Variants in PAN3 observed in about 807,000 individuals in gnomAD.
The protein encoded by PAN3 is poly(A) specific ribonuclease subunit PAN3.
In PAN3, 19 loss-of-function variants were observed where a neutral mutation model predicts 96.2. That is an observed-to-expected ratio of 0.20 (90% CI 0.14 to 0.29). The LOEUF (loss-of-function observed/expected upper bound fraction) is 0.29. Ranked by LOEUF, PAN3 falls within the 10% of genes least tolerant of loss-of-function variation. The probability of loss-of-function intolerance (pLI) is 1.00; values close to 1 mark genes in which losing one functional copy is unlikely to be tolerated. For missense variants in PAN3, 882 were observed against 1,108.1 expected, an observed-to-expected ratio of 0.80 and a Z score of 2.90; for synonymous variants, 433 against 406.6, an observed-to-expected ratio of 1.06 and a Z score of -0.78.
Position 28,267,114 on chromosome 13 carries a change from A to G in PAN3, c.1593A>G (p.Thr531=). ...RRIHGFRLVN[T]KCMVLVDMWK... is the part of the protein sequence containing the mutation. The stretch of plus-strand genomic sequence containing the variant: ...TTCCAGGTTTTCGTCTTGTTAACAC[A>G]AAGTGCATGGTGTTGGTCGACATGT... Residue 531 remains threonine (T), a synonymous_variant, in exon 11 of 19, where the codon ACA becomes ACG. Transcript: ENST00000380958. The G allele has an allele frequency of 6.2e-7, 1 of 1,606,820 alleles. No individual in the cohort carries two copies. Among genetic ancestry groups the G allele is most frequent in the Non-Finnish European group, 8.5e-7 (1 of 1,174,756 alleles).
intron 5 of PAN3, among the ~76,000 whole-genome samples, chr13:28,218,862 T>G (rs1265119053): frequency 6.6e-6 from 1 of 152,202 alleles, no homozygotes; most frequent in Non-Finnish European, 1.5e-5. Context: ...TAATCTTGCG[T>G]AATCCTGAAG....
rs560833837 is a variant in PAN3, at chr13:28,153,410, A to AT, written c.430+14331dup. On this transcript the variant is annotated intron_variant, in intron 1 of 18. Transcript: ENST00000380958. ...ACCACCATGCCTGGCTAATTTTTGT[A>AT]TTTTTTTTAGTAGAGATGGGATTTC... Among the ~76,000 whole-genome samples, 555 of 151,018 alleles carry AT rather than the reference A, an allele frequency of 3.7e-3. 5 individuals carry two copies. The highest frequency in any genetic ancestry group is 3.6e-3 in the Non-Finnish European group (245 of 67,700).
chr13:28,246,735 G>A (rs989524674), intron 6 of PAN3, among the ~76,000 whole-genome samples: 1 of 152,020 alleles, frequency 6.6e-6, no homozygotes. Context: ...GTACCATCTT[G>A]TATTGCTGAA....
intron 1 of PAN3, among the ~76,000 whole-genome samples, chr13:28,161,371 A>G (rs541788990): frequency 6.6e-6 from 1 of 152,318 alleles, no homozygotes; most frequent in East Asian, 1.9e-4. Context: ...CTTGGCTTGT[A>G]GAAACATCTT....
chr13:28,183,976 ACT>A lies in PAN3; in HGVS notation c.690+6044_690+6045del, dbSNP rs45614734. On this transcript the variant is annotated intron_variant, in intron 4 of 18. Coordinates refer to ENST00000380958, the MANE Select transcript of PAN3 (RefSeq NM_175854.8). ...GTTAATTAAGTATCCCTGGCTACTC[ACT>A]CTGTATCAGGCTGTACTAAAATTGT... Among the ~76,000 whole-genome samples, 484 of 152,168 alleles carry A rather than the reference ACT, an allele frequency of 3.2e-3. 1 individual carries two copies. The highest frequency in any genetic ancestry group is 0.011 in the African/African-American group (441 of 41,506).
intron 1 of PAN3, among the ~76,000 whole-genome samples, chr13:28,142,686 G>A (rs559142579): frequency 3.3e-5 from 5 of 152,134 alleles, no homozygotes; most frequent in Admixed American, 6.6e-5. Context: ...CCATAATTTA[G>A]TGTTTTTAAT....
chr13:28,253,188 C>T (rs1884876485), intron 6 of PAN3, among the ~76,000 whole-genome samples: 1 of 152,118 alleles, frequency 6.6e-6, no homozygotes, highest in Non-Finnish European at 1.5e-5. Flanking sequence ...ATTAAGAATT[C>T]TTAACTTTCA....
intron 17 of PAN3, among the ~76,000 whole-genome samples, chr13:28,284,404 T>G (rs1360060996): frequency 6.6e-6 from 1 of 150,936 alleles, no homozygotes; most frequent in African/African-American, 2.5e-5. Flanking sequence ...TTTTGACTGC[T>G]CATTCCCCAC....
At chr13:28,286,015 G>C (rs878919257) in intron 17 of PAN3, among the ~76,000 whole-genome samples, 2 of 152,078 alleles carry the variant, frequency 1.3e-5, no homozygotes, top group African/African-American at 4.8e-5. Context: ...CTGTCCATTT[G>C]TATTAAAAAT....
At chr13:28,173,782 A>G (rs915921776) in intron 1 of PAN3, among the ~76,000 whole-genome samples, 12 of 152,240 alleles carry the variant, frequency 7.9e-5, no homozygotes, top group African/African-American at 2.9e-4. Context: ...AAAGAGAACT[A>G]TCAGTATTCC....
chr13:28,189,041 A>G (rs889508998), intron 4 of PAN3, among the ~76,000 whole-genome samples: 4 of 152,246 alleles, frequency 2.6e-5, no homozygotes, highest in Non-Finnish European at 4.4e-5. Context: ...GAAAAAATAT[A>G]CATGTGTGTC....
At chr13:28,259,153 AGTCT>A (rs1258035085) in intron 7 of PAN3, among the ~76,000 whole-genome samples, 2 of 150,780 alleles carry the variant, frequency 1.3e-5, no homozygotes, top group Non-Finnish European at 3.0e-5. Flanking sequence ...TTTGAGACAG[AGTCT>A]TCCCCTGTCC....
chr13:28,177,970 G>T, intron 4 of PAN3, 35 bp downstream of exon 4: 4 of 1,546,534 alleles, frequency 2.6e-6, no homozygotes, highest in Non-Finnish European at 3.6e-6. Flanking sequence ...AAACTAAATG[G>T]AATTTAGAAG....
rs1886122758 is a variant in PAN3 at position 28,265,900 on chromosome 13, A to AT, written c.1412-807dup. ...AGGCGCCCGCCACCGCGCCCGGCTA[A>AT]TTTTTTTTGTATTTTTAGTAGAGAC... On this transcript the variant is annotated intron_variant, in intron 9 of 18. Coordinates refer to ENST00000380958, the MANE Select transcript of PAN3 (RefSeq NM_175854.8). 9.7e-5 allele frequency among the ~76,000 whole-genome samples: 2 copies of AT among 20,526 alleles called. 1 individual carries two copies. Among genetic ancestry groups the AT allele is most frequent in the Non-Finnish European group, 1.5e-4 (2 of 13,768 alleles). 13.5% of individuals were successfully genotyped at this position (20,526 alleles called of 152,430 possible). A position where few individuals can be genotyped will look rare whatever the true frequency, so the allele number is the denominator to read the frequency against.
At chr13:28,172,860 C>T (rs1160533420) in intron 1 of PAN3, among the ~76,000 whole-genome samples, 3 of 152,090 alleles carry the variant, frequency 2.0e-5, no homozygotes, top group Non-Finnish European at 4.4e-5. Context: ...AGTTCGAGAC[C>T]AGCCTGAGGA....
chr13:28,224,124 G>A (rs925603758), intron 6 of PAN3, among the ~76,000 whole-genome samples: 2 of 152,208 alleles, frequency 1.3e-5, no homozygotes, highest in East Asian at 1.9e-4. Flanking sequence ...GCCCGCCTCG[G>A]CCTCCCAAAG....
At chr13:28,187,794 G>T (rs538616246) in intron 4 of PAN3, among the ~76,000 whole-genome samples, 1 of 152,262 alleles carries the variant, frequency 6.6e-6, no homozygotes, top group South Asian at 2.1e-4. Context: ...CCGACTTCAA[G>T]TGATCCTCCT....
intron 2 of PAN3, among the ~76,000 whole-genome samples, chr13:28,174,636 A>G (rs1269306039): frequency 6.6e-6 from 1 of 152,154 alleles, no homozygotes; most frequent in Non-Finnish European, 1.5e-5. Context: ...GTTAGAGACT[A>G]ATTTCACTTG....
chr13:28,156,129 G>T (rs1297391472), intron 1 of PAN3, among the ~76,000 whole-genome samples: 1 of 152,020 alleles, frequency 6.6e-6, no homozygotes, highest in Non-Finnish European at 1.5e-5. Flanking sequence ...AAGAGAAGTT[G>T]GTTATTTAAT....
Sources: gnomAD v4.1 joint callset for allele counts (sites outside exome capture counted in the v4.1 genomes callset) on GRCh38, gnomAD v4.1.1 for gene constraint, MANE v1.5 for transcripts, NCBI Gene and HGNC (gene_info 2026-07-23, HGNC 2026-07-21) for gene names.